Variants in SERPINI2 observed in about 807,000 individuals in gnomAD.
The protein encoded by SERPINI2 is serpin I2.
SERPINI2 carries 48 observed loss-of-function variants against 47.3 expected under a neutral mutation model. That is an observed-to-expected ratio of 1.02 (90% confidence interval 0.81 to 1.29). The LOEUF is 1.29. Among genes scored for constraint, SERPINI2 ranks in the 50% most tolerant of loss-of-function variants. The probability of loss-of-function intolerance (pLI) is 0.00; values close to 1 mark genes in which losing one functional copy is unlikely to be tolerated. For missense variants in SERPINI2, 448 were observed against 456.9 expected, an observed-to-expected ratio of 0.98 and a Z score of 0.18; for synonymous variants, 135 against 149.3, an observed-to-expected ratio of 0.90 and a Z score of 0.70.
At chr3:167,453,711 G>A (rs12638960) in intron 5 of SERPINI2, among the ~76,000 whole-genome samples, 18,660 of 150,538 alleles carry the variant, frequency 0.12, 1,415 homozygotes, top group East Asian at 0.38. Flanking sequence ...ACACTGAGCC[G>A]TAAGTTAGGA....
rs187348559 is a variant in SERPINI2, at chr3:167,464,058, G to C, written c.866+1148C>G. On this transcript the variant is annotated intron_variant, in intron 5 of 8. Coordinates refer to ENST00000264677, the Ensembl canonical transcript of SERPINI2. The stretch of plus-strand genomic sequence containing the variant: ...ATACTGGGTCTCACCCTGTTGCCAG[G>C]CTGGAGTGCAGTGGCGCAGTCTCAG... 1.4e-3 allele frequency among the ~76,000 whole-genome samples: 195 copies of C among 142,566 alleles called. 5 individuals are homozygous for C. In the East Asian group the frequency reaches 0.032, roughly 23 times the overall value. 93.5% of individuals were successfully genotyped at this position (142,566 alleles called of 152,430 possible). A position where few individuals can be genotyped will look rare whatever the true frequency, so the allele number is the denominator to read the frequency against.
intron 5 of SERPINI2, among the ~76,000 whole-genome samples, chr3:167,464,183 T>G (rs1750066287): frequency 6.6e-6 from 1 of 151,628 alleles, no homozygotes; most frequent in African/African-American, 2.4e-5. Flanking sequence ...CCAGCTAATT[T>G]TGGTGTTTTT....
chr3:167,476,298 A>C (rs1195117668), upstream of SERPINI2, among the ~76,000 whole-genome samples: 3 of 151,920 alleles, frequency 2.0e-5, no homozygotes, highest in Non-Finnish European at 4.4e-5. Context: ...TGTGAGTTAC[A>C]AAAGAAGAGT....
chr3:167,459,078 G>GTTTTTTTTTTTTTTTTTTTTTTTTTTTTT (rs536122299), intron 5 of SERPINI2, among the ~76,000 whole-genome samples: 1 of 139,028 alleles, frequency 7.2e-6, no homozygotes, highest in African/African-American at 2.7e-5. Flanking sequence ...GTTTTTTTTT[G>GTTTTTTTTTTTTTTTTTTTTTTTTTTTTT]TTTTTTTTTT....
At chr3:167,452,887 C>T in intron 6 of SERPINI2, 49 bp downstream of exon 6, 1 of 1,215,014 alleles carries the variant, frequency 8.2e-7, no homozygotes, top group Non-Finnish European at 1.2e-6. Context: ...TAATGTAGTC[C>T]TAACAAAACA....
At chr3:167,449,548 A>C in intron 6 of SERPINI2, 146 bp from the exon 7 acceptor site, 1 of 388,394 alleles carries the variant, frequency 2.6e-6, no homozygotes. Flanking sequence ...AGGCTGAAGT[A>C]CACTGGCACG....
chr3:167,471,882 T>TA (rs747737273), intron 1 of SERPINI2, 38 bp from the exon 2 acceptor site: 2 of 1,524,640 alleles, frequency 1.3e-6, no homozygotes, highest in South Asian at 2.3e-5. Context: ...ATTTTCAAAA[T>TA]AGAGTTTTCC....
chr3:167,445,402 C>T (rs535526488), intron 8 of SERPINI2, among the ~76,000 whole-genome samples: 4 of 152,244 alleles, frequency 2.6e-5, no homozygotes, highest in African/African-American at 9.6e-5. Context: ...CACAGTGTTA[C>T]AGGCTTCAAA....
At chr3:167,452,479 C>G (rs1017251758) in intron 6 of SERPINI2, among the ~76,000 whole-genome samples, 2 of 152,210 alleles carry the variant, frequency 1.3e-5, no homozygotes, top group Non-Finnish European at 2.9e-5. Context: ...CAAGCTGTAG[C>G]GTTACAATTT....
chr3:167,472,091 A>C (rs1750343593), intron 1 of SERPINI2, among the ~76,000 whole-genome samples: 1 of 152,154 alleles, frequency 6.6e-6, no homozygotes, highest in South Asian at 2.1e-4. Flanking sequence ...AAAATCAAAA[A>C]AGACACTACA....
At chr3:167,450,584 A>G (rs1016193232) in intron 6 of SERPINI2, among the ~76,000 whole-genome samples, 4 of 152,214 alleles carry the variant, frequency 2.6e-5, no homozygotes, top group African/African-American at 7.2e-5. Flanking sequence ...GCATCTGAGT[A>G]TGTCTAGTGA....
In SERPINI2 at chr3:167,448,999, A is replaced by G. The variant is rs141072806; in HGVS notation, c.1051+317T>C. ...TAAGGGTGAGCATTCCTAAAAAATAATGATTTTATATTTGAGCCCTAAAGT... is the reference window on the plus strand; with the variant it reads ...TAAGGGTGAGCATTCCTAAAAAATAGTGATTTTATATTTGAGCCCTAAAGT... On this transcript the variant is annotated intron_variant, in intron 7 of 8. Transcript: ENST00000264677. Among the ~76,000 whole-genome samples the G allele has an allele frequency of 3.3e-3, 504 of 152,354 alleles. 2 individuals are homozygous for G. Among genetic ancestry groups the G allele is most frequent in the Middle Eastern group, 0.024 (7 of 294 alleles).
At chr3:167,462,510 G>C (rs1036382506) in intron 5 of SERPINI2, among the ~76,000 whole-genome samples, 1 of 152,034 alleles carries the variant, frequency 6.6e-6, no homozygotes. Context: ...TTCCTTTTTA[G>C]ATGACAACAG....
At chr3:167,448,691 T>A (rs1749551681) in intron 7 of SERPINI2, among the ~76,000 whole-genome samples, 1 of 152,010 alleles carries the variant, frequency 6.6e-6, no homozygotes, top group African/African-American at 2.4e-5. Context: ...CCCGGCTAAT[T>A]TTTTGTATTT....
At chr3:167,457,018 GCTC>G (rs1749813358) in intron 5 of SERPINI2, among the ~76,000 whole-genome samples, 4 of 152,132 alleles carry the variant, frequency 2.6e-5, no homozygotes. Context: ...AAGTGGCAGG[GCTC>G]TGGGTCTTCA....
intron 1 of SERPINI2, among the ~76,000 whole-genome samples, chr3:167,472,774 T>C (rs754993348): frequency 7.2e-5 from 11 of 151,862 alleles, no homozygotes; most frequent in Non-Finnish European, 1.6e-4. Flanking sequence ...AATTCAACCA[T>C]TTGATTATAT....
chr3:167,449,437 G>A (rs1321442572), intron 6 of SERPINI2, 35 bp from the exon 7 acceptor site: 1 of 1,349,110 alleles, frequency 7.4e-7, no homozygotes, highest in Admixed American at 1.9e-5. Context: ...GTGTATTTAA[G>A]AGTTAAAATC....
intron 2 of SERPINI2, among the ~76,000 whole-genome samples, chr3:167,468,258 G>A (rs139608571): frequency 4.1e-4 from 63 of 151,944 alleles, no homozygotes; most frequent in African/African-American, 1.4e-3. Flanking sequence ...CAAGAAAACC[G>A]GGTATTACTA....
intron 5 of SERPINI2, among the ~76,000 whole-genome samples, chr3:167,456,023 G>C (rs531897515): frequency 2.0e-5 from 3 of 152,042 alleles, no homozygotes; most frequent in Non-Finnish European, 2.9e-5. Context: ...TTCAGAGCTG[G>C]AACCAACCAA....
Sources: allele counts gnomAD v4.1 joint callset (sites outside exome capture counted in the v4.1 genomes callset), GRCh38; gene constraint gnomAD v4.1.1; transcripts MANE v1.5; gene names NCBI Gene and HGNC (gene_info 2026-07-23, HGNC 2026-07-21).